OPHN1: variants seen among roughly 807,000 people sequenced by gnomAD.
OPHN1 encodes oligophrenin 1.
In OPHN1, 11 loss-of-function variants were observed where a neutral mutation model predicts 60.7. The ratio of observed to expected loss-of-function variants is 0.18; its 90% confidence interval spans 0.11 to 0.30. The LOEUF (loss-of-function observed/expected upper bound fraction) is 0.30. OPHN1 is among the 10% of genes least tolerant of loss of function. OPHN1 has a pLI of 1.00. For synonymous variants in OPHN1, 226 were observed against 222.6 expected (o/e 1.02, Z -0.14); for missense variants, 449 against 611.0 (o/e 0.73, Z 2.80).
rs537479902 is a variant in OPHN1, at chrX:68,360,434, T to A, written c.155-61338A>T. Among the ~76,000 whole-genome samples the A allele has an allele frequency of 6.3e-5, 7 of 110,709 alleles. No homozygotes were observed. The South Asian group carries it at 2.3e-3, about 37-fold the overall frequency. On this transcript the variant is annotated intron_variant, in intron 2 of 24. Coordinates refer to ENST00000355520, the MANE Select transcript of OPHN1 (RefSeq NM_002547.3). The stretch of plus-strand genomic sequence containing the variant: ...GTGCCTCACACCTAGGCTTAAGCAG[T>A]CCTCCCACCTCAACCTCACAAAGTG...
chrX:68,181,115 A>T (rs932285342), intron 15 of OPHN1, among the ~76,000 whole-genome samples: 2 of 111,412 alleles, frequency 1.8e-5, no homozygotes, highest in Non-Finnish European at 3.8e-5. Context: ...TCCCCTTCTG[A>T]AAGGTTATTA....
chrX:68,123,941 G>A (rs1380415453), intron 15 of OPHN1, among the ~76,000 whole-genome samples: 1 of 35,478 alleles, frequency 2.8e-5, no homozygotes, highest in Admixed American at 4.2e-4. Flanking sequence ...AAGACATACA[G>A]TAGCTGAATG....
intron 3 of OPHN1, among the ~76,000 whole-genome samples, chrX:68,286,435 C>A (rs1902115440): frequency 9.0e-6 from 1 of 111,233 alleles, no homozygotes; most frequent in Non-Finnish European, 1.9e-5. Flanking sequence ...CTCCTCCTTG[C>A]AAAGAGCTGA....
chrX:68,064,964 G>C (rs1310472991), intron 20 of OPHN1, among the ~76,000 whole-genome samples: 1 of 110,840 alleles, frequency 9.0e-6, no homozygotes, highest in East Asian at 2.8e-4. Context: ...GACACACGAA[G>C]GGGAACATCA....
chrX:68,223,151 T>C (rs1049863846), intron 6 of OPHN1, among the ~76,000 whole-genome samples: 1 of 111,095 alleles, frequency 9.0e-6, no homozygotes, highest in African/African-American at 3.3e-5. Context: ...TAACTAAAAG[T>C]AGAACTACTA....
At chrX:68,355,577 A>T (rs912839570) in intron 2 of OPHN1, among the ~76,000 whole-genome samples, 14 of 112,546 alleles carry the variant, frequency 1.2e-4, no homozygotes, top group Non-Finnish European at 2.6e-4. Flanking sequence ...ACCGTGCAAG[A>T]TCCATATTCT....
chrX:68,117,989 A>G (rs1283996966), intron 16 of OPHN1, among the ~76,000 whole-genome samples: 1 of 111,855 alleles, frequency 8.9e-6, no homozygotes, highest in Non-Finnish European at 1.9e-5. Context: ...ATACAGAATC[A>G]CTTATTCCCA....
At chrX:68,051,848 G>T (rs1179284889) in intron 23 of OPHN1, among the ~76,000 whole-genome samples, 1 of 112,014 alleles carries the variant, frequency 8.9e-6, no homozygotes, top group East Asian at 2.8e-4. Context: ...ATGAAGAAAT[G>T]AAGAGGCAAA....
At chrX:68,119,632 G>A (rs2077142103) in intron 15 of OPHN1, among the ~76,000 whole-genome samples, 1 of 111,979 alleles carries the variant, frequency 8.9e-6, no homozygotes, top group South Asian at 3.8e-4. Flanking sequence ...CCAGAAGTGA[G>A]GAGATAGATA....
At chrX:68,199,834 G>C (rs1326355122) in intron 11 of OPHN1, among the ~76,000 whole-genome samples, 2 of 112,905 alleles carry the variant, frequency 1.8e-5, no homozygotes, top group Non-Finnish European at 3.7e-5. Flanking sequence ...GCCGAGGCAG[G>C]TGGATGTCTT....
chrX:68,379,890 T>G (rs2078585489), intron 2 of OPHN1, among the ~76,000 whole-genome samples: 1 of 109,233 alleles, frequency 9.2e-6, no homozygotes, highest in Non-Finnish European at 1.9e-5. Flanking sequence ...AAAATTCTCT[T>G]TTTTGGTTGT....
intron 16 of OPHN1, among the ~76,000 whole-genome samples, chrX:68,114,332 A>G (rs2077118427): frequency 9.0e-6 from 1 of 111,636 alleles, no homozygotes; most frequent in South Asian, 3.8e-4. Flanking sequence ...AGAGAAGTTA[A>G]AAACTCATCC....
intron 2 of OPHN1, among the ~76,000 whole-genome samples, chrX:68,321,964 TTTTTA>T (rs200314831): frequency 6.6e-5 from 7 of 106,070 alleles, no homozygotes; most frequent in African/African-American, 1.5e-4. Context: ...TAAGAGTTTG[TTTTTA>T]TTTTATTTTA....
At chrX:68,335,399 C>T (rs1460006653) in intron 2 of OPHN1, among the ~76,000 whole-genome samples, 3 of 111,913 alleles carry the variant, frequency 2.7e-5, no homozygotes, top group Non-Finnish European at 5.6e-5. Flanking sequence ...ATGTCCATTG[C>T]TGATTCATTC....
intron 19 of OPHN1, among the ~76,000 whole-genome samples, chrX:68,084,260 C>T (rs181563109): frequency 6.1e-5 from 6 of 99,021 alleles, no homozygotes; most frequent in African/African-American, 1.9e-4. Flanking sequence ...TTATCATGAA[C>T]CCTAAAAAGA....
chrX:68,132,535 T>A (rs1713392932), intron 15 of OPHN1, among the ~76,000 whole-genome samples: 1 of 69,208 alleles, frequency 1.4e-5, no homozygotes, highest in Admixed American at 1.9e-4. Context: ...AATATCACAC[T>A]CTGGGGACTG....
At chrX:68,252,792 T>C (rs191304479) in intron 5 of OPHN1, among the ~76,000 whole-genome samples, 9 of 111,441 alleles carry the variant, frequency 8.1e-5, no homozygotes, top group Non-Finnish European at 1.5e-4. Flanking sequence ...TGCCAGCCAC[T>C]TCCTAATTGT....
chrX:68,339,128 G>A (rs945324582), intron 2 of OPHN1, among the ~76,000 whole-genome samples: 14 of 103,825 alleles, frequency 1.3e-4, no homozygotes, highest in African/African-American at 4.8e-4. Context: ...GAAAATTAAT[G>A]TAATATACCA....
At chrX:68,396,682 G>T (rs1447789999) in intron 2 of OPHN1, among the ~76,000 whole-genome samples, 1 of 110,213 alleles carries the variant, frequency 9.1e-6, no homozygotes, top group African/African-American at 3.3e-5. Context: ...GGGCATGGTG[G>T]TACGTGCCTG....
Sources: allele counts gnomAD v4.1 joint callset (sites outside exome capture counted in the v4.1 genomes callset), GRCh38; gene constraint gnomAD v4.1.1; transcripts MANE v1.5; gene names NCBI Gene and HGNC (gene_info 2026-07-23, HGNC 2026-07-21).